Variants in PCDHGA3 observed in about 807,000 individuals in gnomAD.
PCDHGA3 encodes protocadherin gamma-A3.
In PCDHGA3, 40 loss-of-function variants were observed where a neutral mutation model predicts 58.5. The ratio of observed to expected loss-of-function variants is 0.68; its 90% CI spans 0.53 to 0.89. PCDHGA3 has a LOEUF of 0.89. Among genes scored for constraint, PCDHGA3 ranks in the 40% least tolerant of loss-of-function variants. PCDHGA3 has a pLI of 0.00. For synonymous variants in PCDHGA3, 530 were observed against 525.7 expected (o/e 1.01, Z -0.11); for missense variants, 1,223 against 1,195.9 (o/e 1.02, Z -0.33).
Position 141,476,364 on chromosome 5 carries a change from C to T in PCDHGA3, c.2425-18443C>T, listed in dbSNP as rs1462808655. The T allele has an allele frequency of 6.2e-7, 1 of 1,614,036 alleles. No homozygotes were observed. The highest frequency in any genetic ancestry group is 8.5e-7 in the Non-Finnish European group (1 of 1,180,026). Reference sequence around the variant, plus strand: ...AGATTCTTTGAGGTGAACCGGGAGACCGGAGAGATGTTTGTGAACGACCGT... The same window carrying T: ...AGATTCTTTGAGGTGAACCGGGAGATCGGAGAGATGTTTGTGAACGACCGT... On this transcript the variant is annotated intron_variant, in intron 1 of 3. Coordinates refer to ENST00000253812, the MANE Select transcript of PCDHGA3 (RefSeq NM_018916.4). This position sits in a 1 kb window ranked among gnomAD's most constrained non-coding sequence, Gnocchi z 7.6.
intron 1 of PCDHGA3, chr5:141,375,160 T>C (rs373409677): frequency 1.2e-6 from 2 of 1,613,972 alleles, no homozygotes; most frequent in Non-Finnish European, 1.7e-6. Flanking sequence ...TTGCTGAAAG[T>C]GCACCTCCAG....
intron 1 of PCDHGA3, chr5:141,375,178 A>G: frequency 6.2e-7 from 1 of 1,613,980 alleles, no homozygotes; most frequent in Non-Finnish European, 8.5e-7. Context: ...CAGGAACAGT[A>G]ATCGCCCTTT....
chr5:141,375,414 A>G lies in PCDHGA3; in HGVS notation c.2424+28957A>G, dbSNP rs752900319. The stretch of plus-strand genomic sequence containing the variant: ...ACAATCATCTCTCTAAATGTGGCAG[A>G]CACCAACGACAACCCGCCCACCTTC... On this transcript the variant is annotated intron_variant, in intron 1 of 3. Transcript: ENST00000253812. 21 of 1,613,866 alleles carry G rather than the reference A, an allele frequency of 1.3e-5. No homozygotes were observed. In the South Asian group the frequency reaches 1.6e-4, roughly 13 times the overall value.
Position 141,476,901 on chromosome 5 carries a change from G to A in PCDHGA3, c.2425-17906G>A, listed in dbSNP as rs1466086788. The A allele has an allele frequency of 1.9e-6, 3 of 1,613,782 alleles. No individual in the cohort carries two copies. The African/African-American group carries it at 4.0e-5, about 22-fold the overall frequency. On this transcript the variant is annotated intron_variant, in intron 1 of 3. Coordinates refer to ENST00000253812, the MANE Select transcript of PCDHGA3 (RefSeq NM_018916.4). The surrounding 1 kb of genome is among the most constrained non-coding windows in gnomAD (Gnocchi z 7.6). ...CTGGAGGATGCACCCTCCGGCACGC[G>A]CGTGGTACAAGTCCTTGCAACGGAT...
At chr5:141,392,885 G>C in intron 1 of PCDHGA3, 1 of 1,613,654 alleles carries the variant, frequency 6.2e-7, no homozygotes, top group Non-Finnish European at 8.5e-7. Flanking sequence ...GAACGCTGTG[G>C]GAAATCGGGA....
intron 1 of PCDHGA3, chr5:141,350,537 T>C: frequency 6.2e-7 from 1 of 1,614,006 alleles, no homozygotes; most frequent in Non-Finnish European, 8.5e-7. Flanking sequence ...AGAGAAGATT[T>C]GCGGAAGGAA....
chr5:141,366,189 G>C, intron 1 of PCDHGA3: 1 of 1,613,922 alleles, frequency 6.2e-7, no homozygotes, highest in Non-Finnish European at 8.5e-7. Context: ...TTTGCGGTTG[G>C]GCTGCACACG....
intron 1 of PCDHGA3, among the ~76,000 whole-genome samples, chr5:141,483,875 AT>A (rs2154580008): frequency 6.6e-6 from 1 of 151,964 alleles, no homozygotes; most frequent in Admixed American, 6.6e-5. Context: ...ATCAGGATGG[AT>A]TTTTCTATTT....
chr5:141,366,437 G>A lies in PCDHGA3; in HGVS notation c.2424+19980G>A, dbSNP rs201380639. The A allele has an allele frequency of 4.0e-4, 649 of 1,614,042 alleles. No individual in the cohort carries two copies. The highest frequency in any genetic ancestry group is 4.5e-4 in the Non-Finnish European group (535 of 1,180,064). ...GGTGGCAGTGGCTGCAGTCTCCTGC[G>A]TCTTCCTGGCCTTCGTCATCGTGCT... is the stretch of plus-strand genomic sequence containing the variant. On this transcript the variant is annotated intron_variant, in intron 1 of 3. Coordinates refer to ENST00000253812, the MANE Select transcript of PCDHGA3 (RefSeq NM_018916.4).
chr5:141,492,740 C>T (rs1364102818), intron 1 of PCDHGA3, among the ~76,000 whole-genome samples: 1 of 152,238 alleles, frequency 6.6e-6, no homozygotes, highest in African/African-American at 2.4e-5. Context: ...GCCCAGTGGC[C>T]GAGGCGCGGC....
chr5:141,351,850 C>T (rs1451571562), intron 1 of PCDHGA3: 1 of 1,613,256 alleles, frequency 6.2e-7, no homozygotes. Context: ...CACTGCAGGC[C>T]AGGGACCAGG....
Position 141,490,536 on chromosome 5 carries a change from T to C in PCDHGA3, c.2425-4271T>C. ...TGCTGGCCAGCGATGCTGGTTCACCTTCCCTACACAAACATCTCACCATCA... is the reference window on the plus strand; with the variant it reads ...TGCTGGCCAGCGATGCTGGTTCACCCTCCCTACACAAACATCTCACCATCA... On this transcript the variant is annotated intron_variant, in intron 1 of 3. Transcript: ENST00000253812. The surrounding 1 kb of genome is among the most constrained non-coding windows in gnomAD (Gnocchi z 5.4). The C allele has an allele frequency of 1.9e-6, 3 of 1,614,150 alleles. No individual in the cohort carries two copies. The highest frequency in any genetic ancestry group is 2.5e-6 in the Non-Finnish European group (3 of 1,180,010).
intron 1 of PCDHGA3, among the ~76,000 whole-genome samples, chr5:141,379,889 CTTTTTTTTTTTT>C (rs70988800): frequency 3.0e-4 from 15 of 50,832 alleles, no homozygotes; most frequent in South Asian, 9.2e-4. Flanking sequence ...GTGAAAGCCT[CTTTTTTTTTTTT>C]TTTTTTTTTT....
intron 1 of PCDHGA3, chr5:141,361,323 T>G (rs1451101263): frequency 6.2e-7 from 1 of 1,613,880 alleles, no homozygotes; most frequent in Non-Finnish European, 8.5e-7. Context: ...TTTTGAAATC[T>G]TCCTCAAAGA....
intron 1 of PCDHGA3, chr5:141,421,168 A>G: frequency 1.5e-6 from 2 of 1,331,612 alleles, no homozygotes; most frequent in South Asian, 1.5e-5. Context: ...TCATAGATAC[A>G]TAAGCCGATT....
intron 1 of PCDHGA3, chr5:141,478,197 T>G (rs2099437910): frequency 6.2e-7 from 1 of 1,613,956 alleles, no homozygotes; most frequent in Admixed American, 1.7e-5. Context: ...ACCTTTTATC[T>G]ACTTCTTTCT....
In PCDHGA3 at chr5:141,423,081, C is replaced by T. The variant is rs1393904828; in HGVS notation, c.2425-71726C>T. 3.1e-6 allele frequency: 5 copies of T among 1,613,966 alleles called. No individual in the cohort carries two copies. The African/African-American group carries it at 4.0e-5, about 13-fold the overall frequency. ...TTAAGGCCAGCGAGCCGGGACTCTT[C>T]GCGGTGGGGGAGCACACGGGCGAGG... is the stretch of plus-strand genomic sequence containing the variant. On this transcript the variant is annotated intron_variant, in intron 1 of 3. Coordinates refer to ENST00000253812, the MANE Select transcript of PCDHGA3 (RefSeq NM_018916.4).
chr5:141,389,464 A>G (rs1277929756), intron 1 of PCDHGA3: 1 of 1,613,306 alleles, frequency 6.2e-7, no homozygotes, highest in Admixed American at 1.7e-5. Flanking sequence ...CGCGCCTTCG[A>G]ACTCACACTG....
chr5:141,474,153 A>G (rs1424442765), intron 1 of PCDHGA3, among the ~76,000 whole-genome samples: 3 of 152,254 alleles, frequency 2.0e-5, no homozygotes, highest in Non-Finnish European at 4.4e-5. Flanking sequence ...TATCAAGAAA[A>G]TGACAGGCCT....
Sources: gnomAD v4.1 joint callset for allele counts (sites outside exome capture counted in the v4.1 genomes callset) on GRCh38, gnomAD v4.1.1 for gene constraint, Gnocchi (gnomAD v3.1) non-coding constraint, MANE v1.5 for transcripts, NCBI Gene and HGNC (gene_info 2026-07-23, HGNC 2026-07-21) for gene names.